Variants in ATP11B observed in about 807,000 individuals in gnomAD.
The protein encoded by ATP11B is phospholipid-transporting ATPase IF.
Under a neutral mutation model 157.8 loss-of-function variants are expected in ATP11B, and 81 were observed. The ratio of observed to expected loss-of-function variants is 0.51; its 90% CI spans 0.43 to 0.62. ATP11B has a LOEUF of 0.62. ATP11B is among the 20% of genes least tolerant of loss of function. The pLI, the probability that ATP11B is intolerant of heterozygous loss-of-function variation, is 0.00. For missense variants in ATP11B, 1,165 were observed against 1,402.2 expected (o/e 0.83, Z 2.70); for synonymous variants, 451 against 469.4 (o/e 0.96, Z 0.51).
intron 14 of ATP11B, among the ~76,000 whole-genome samples, chr3:182,866,898 G>T (rs1359385165): frequency 6.9e-6 from 1 of 145,366 alleles, no homozygotes; most frequent in African/African-American, 2.5e-5. Context: ...ATATTAAAAA[G>T]AATATATAAG....
rs1412393464 is a variant in ATP11B at position 182,868,342 on chromosome 3, A to G, written c.1689-736A>G. Among the ~76,000 whole-genome samples the G allele has an allele frequency of 2.7e-5, 4 of 148,650 alleles. No homozygotes were observed. In the East Asian group the frequency reaches 5.8e-4, roughly 22 times the overall value. On this transcript the variant is annotated intron_variant, in intron 15 of 29. Coordinates refer to ENST00000323116, the MANE Select transcript of ATP11B (RefSeq NM_014616.3). ...GTGCTTTTCCAAACTATGCTTTTCC[A>G]TACTAGATAGGGCCCATTCTTTGGC...
intron 1 of ATP11B, among the ~76,000 whole-genome samples, chr3:182,810,103 G>A (rs926032275): frequency 1.3e-5 from 2 of 152,098 alleles, no homozygotes; most frequent in African/African-American, 2.4e-5. Context: ...AAGCCGAGGC[G>A]AGCAGATCAC....
intron 2 of ATP11B, among the ~76,000 whole-genome samples, chr3:182,821,720 T>G (rs2108499496): frequency 6.6e-6 from 1 of 152,326 alleles, no homozygotes; most frequent in Middle Eastern, 3.4e-3. Flanking sequence ...AATTTAATTT[T>G]TATTTAAATG....
Position 182,837,094 on chromosome 3 carries a change from A to G in ATP11B, c.576A>G (p.Thr192=), listed in dbSNP as rs1467146714. 6.2e-7 allele frequency: 1 copy of G among 1,613,152 alleles called. No individual in the cohort carries two copies. Among genetic ancestry groups the G allele is most frequent in the Non-Finnish European group, 8.5e-7 (1 of 1,179,478 alleles). The part of the protein sequence containing the change: ...NLKTHVAVPE[T]ALLQTVANLD... Reference sequence around the variant, plus strand: ...AGACACATGTGGCAGTTCCAGAAACAGCATTATTACAAACAGTTGCCAATT... The same window carrying G: ...AGACACATGTGGCAGTTCCAGAAACGGCATTATTACAAACAGTTGCCAATT... Residue 192 remains threonine (T), a synonymous_variant, in exon 7 of 30, where the codon ACA becomes ACG. Transcript: ENST00000323116.
intron 8 of ATP11B, 128 bp downstream of exon 8, chr3:182,842,250 T>C (rs1719106793): frequency 1.5e-6 from 1 of 673,330 alleles, no homozygotes; most frequent in Non-Finnish European, 2.6e-6. Context: ...TTGTTGTGTT[T>C]TGTTTGTTTT....
intron 10 of ATP11B, among the ~76,000 whole-genome samples, chr3:182,853,593 A>T (rs1720148579): frequency 2.0e-5 from 3 of 152,218 alleles, no homozygotes; most frequent in African/African-American, 7.2e-5. Flanking sequence ...TAATATATTT[A>T]GGAATAAGTT....
intron 23 of ATP11B, 110 bp from the exon 24 acceptor site, chr3:182,887,476 A>G (rs578162400): frequency 7.5e-6 from 6 of 799,228 alleles, no homozygotes; most frequent in Non-Finnish European, 9.3e-6. Context: ...AATGGATTTC[A>G]GTATAAATTT....
intron 29 of ATP11B, 193 bp downstream of exon 29, chr3:182,914,187 A>C: frequency 1.4e-6 from 2 of 1,395,450 alleles, no homozygotes; most frequent in South Asian, 1.6e-5. Flanking sequence ...TTCACTCACA[A>C]AGGAAGAGAA....
intron 10 of ATP11B, among the ~76,000 whole-genome samples, chr3:182,852,332 G>A (rs1263518278): frequency 2.0e-5 from 3 of 152,146 alleles, no homozygotes; most frequent in African/African-American, 7.2e-5. Flanking sequence ...GACAGATTAA[G>A]CAAAAGAGAA....
chr3:182,904,006 T>C (rs1028602547), intron 28 of ATP11B, among the ~76,000 whole-genome samples: 2 of 152,236 alleles, frequency 1.3e-5, no homozygotes, highest in African/African-American at 4.8e-5. Context: ...TGTAATACTC[T>C]AATAAAACAG....
chr3:182,845,497 A>C lies in ATP11B; in HGVS notation c.744A>C (p.Arg248Ser). ...AGAGTCTCCTGCTTCGTGGAGCCAG[A>C]TTAAAAAACACAAAAGAAATTTTTG... ...GPESLLLRGA[R>S]LKNTKEIFGV... The change falls in exon 9 of 30, where the codon AGA becomes AGC. Residue 248 changes from arginine (R) to serine (S), a missense_variant. By Grantham distance (110) the Arg-to-Ser change is moderately radical (BLOSUM62 -1). Coordinates refer to ENST00000323116, the MANE Select transcript of ATP11B (RefSeq NM_014616.3). 6.3e-7 allele frequency: 1 copy of C among 1,595,846 alleles called. No individual in the cohort carries two copies. Among genetic ancestry groups the C allele is most frequent in the Non-Finnish European group, 8.5e-7 (1 of 1,175,666 alleles).
chr3:182,860,836 G>A (rs1343142027), intron 12 of ATP11B, among the ~76,000 whole-genome samples: 1 of 151,850 alleles, frequency 6.6e-6, no homozygotes, highest in Non-Finnish European at 1.5e-5. Flanking sequence ...CCCATTTCTT[G>A]AACATAATCT....
intron 1 of ATP11B, among the ~76,000 whole-genome samples, chr3:182,819,313 C>T (rs955243998): frequency 1.9e-4 from 29 of 152,158 alleles, no homozygotes; most frequent in African/African-American, 6.5e-4. Flanking sequence ...GCTCGTGATC[C>T]GCCCGCCTCA....
rs889025818 is a variant in ATP11B, at chr3:182,913,887, G to A, written c.3345G>A (p.Lys1115=). 2.5e-6 allele frequency: 4 copies of A among 1,614,028 alleles called. No individual in the cohort carries two copies. The highest frequency in any genetic ancestry group is 3.4e-6 in the Non-Finnish European group (4 of 1,179,984). ...TTACTGAAACAAATGCAGGTATCAAGTGCTTGGACTCCATGTGCTGTTTCC... is the reference window on the plus strand; with the variant it reads ...TTACTGAAACAAATGCAGGTATCAAATGCTTGGACTCCATGTGCTGTTTCC... ...AQLTETNAGI[K]CLDSMCCFPE... The change falls in exon 29 of 30, where the codon AAG becomes AAA. Residue 1115 remains lysine, a synonymous_variant. Coordinates refer to ENST00000323116, the MANE Select transcript of ATP11B (RefSeq NM_014616.3).
At position 182,897,363 on chromosome 3, in the gene ATP11B, A is replaced by T; in HGVS notation, c.3109A>T (p.Ile1037Leu). 1.3e-6 allele frequency: 2 copies of T among 1,592,380 alleles called. No individual in the cohort carries two copies. Among genetic ancestry groups the T allele is most frequent in the Non-Finnish European group, 1.7e-6 (2 of 1,173,636 alleles). ...CCATCTCGTTACCTGGGGATCTATT[A>T]TATTTTATTTTGTATTTTCCTTGTT... is the stretch of plus-strand genomic sequence containing the variant. Reference protein sequence around the residue: ...INHLVTWGSIIFYFVFSLFYG... With the variant: ...INHLVTWGSILFYFVFSLFYG... The change falls in exon 27 of 30, where the codon ATA (isoleucine) becomes TTA (leucine). Residue 1037 changes from isoleucine to leucine, a missense_variant. By Grantham distance (5) the Ile-to-Leu change is conservative. This residue lies in a region of ATP11B where 303 missense variants were observed against 296.3 expected (regional missense o/e 1.02). Coordinates refer to ENST00000323116, the MANE Select transcript of ATP11B (RefSeq NM_014616.3).
intron 1 of ATP11B, among the ~76,000 whole-genome samples, chr3:182,796,729 T>C (rs1423851272): frequency 6.6e-6 from 1 of 152,328 alleles, no homozygotes; most frequent in East Asian, 1.9e-4. Flanking sequence ...TAAGTAGACA[T>C]TGGATACATG....
intron 28 of ATP11B, among the ~76,000 whole-genome samples, chr3:182,911,626 G>A (rs1724803470): frequency 6.6e-6 from 1 of 152,088 alleles, no homozygotes; most frequent in African/African-American, 2.4e-5. Context: ...TGGGGCATAC[G>A]TGGTGAGCAC....
In ATP11B at chr3:182,854,306, C is replaced by A. The variant is rs543364249; in HGVS notation, c.852-3572C>A. 3.2e-3 allele frequency among the ~76,000 whole-genome samples: 486 copies of A among 152,122 alleles called. 4 individuals are homozygous for A. The highest frequency in any genetic ancestry group is 0.011 in the African/African-American group (468 of 41,500). The stretch of plus-strand genomic sequence containing the variant: ...CCAACATGGAGAAACCCTGTCTCTA[C>A]TAAAAATACAAAAATTAGCCGGGCA... On this transcript the variant is annotated intron_variant, in intron 10 of 29. Transcript: ENST00000323116.
chr3:182,805,666 G>T (rs896272113), intron 1 of ATP11B, among the ~76,000 whole-genome samples: 3 of 147,290 alleles, frequency 2.0e-5, no homozygotes, highest in African/African-American at 7.5e-5. Context: ...TCTCCATGTT[G>T]GTCAGACTGG....
Sources: gnomAD v4.1 joint callset for allele counts (sites outside exome capture counted in the v4.1 genomes callset) on GRCh38, gnomAD v4.1.1 for gene constraint, gnomAD v4.1.1 regional missense constraint, MANE v1.5 for transcripts, NCBI Gene and HGNC (gene_info 2026-07-23, HGNC 2026-07-21) for gene names.